Variants in OR52N2 observed in about 807,000 individuals in gnomAD.
The protein encoded by OR52N2 is olfactory receptor 52N2.
For missense variants in OR52N2, 326 were observed against 196.6 expected (o/e 1.66, Z -3.94); for synonymous variants, 129 against 72.0 (o/e 1.79, Z -4.01).
intron 1 of OR52N2, among the ~76,000 whole-genome samples, chr11:5,812,472 G>A (rs1846370512): frequency 1.5e-5 from 2 of 129,524 alleles, no homozygotes; most frequent in Admixed American, 8.8e-5. Context: ...TCCAGCCTGT[G>A]TGACAGAGCG....
chr11:5,820,173 A>G, intron 1 of OR52N2, 109 bp from the exon 2 acceptor site: 1 of 653,472 alleles, frequency 1.5e-6, no homozygotes, highest in Non-Finnish European at 2.7e-6. Context: ...AGTTGGAAGA[A>G]AGAATTTCTG....
At chr11:5,811,946 T>C (rs942391673) in intron 1 of OR52N2, among the ~76,000 whole-genome samples, 11 of 152,138 alleles carry the variant, frequency 7.2e-5, no homozygotes, top group African/African-American at 2.7e-4. Context: ...TAAAATAGCA[T>C]TTAAATCAAA....
intron 1 of OR52N2, among the ~76,000 whole-genome samples, chr11:5,809,522 A>C (rs976106529): frequency 1.3e-5 from 2 of 152,184 alleles, no homozygotes; most frequent in Admixed American, 1.3e-4. Context: ...GCTGATGGGA[A>C]GCGGTAGGCT....
At chr11:5,815,616 C>T (rs1459368789) in intron 1 of OR52N2, among the ~76,000 whole-genome samples, 1 of 151,982 alleles carries the variant, frequency 6.6e-6, no homozygotes, top group Admixed American at 6.6e-5. Flanking sequence ...GACACTTGTG[C>T]CCTTTTGGCA....
At chr11:5,814,827 A>G (rs144448416) in intron 1 of OR52N2, among the ~76,000 whole-genome samples, 2 of 152,346 alleles carry the variant, frequency 1.3e-5, no homozygotes, top group Admixed American at 1.3e-4. Flanking sequence ...AACTTATGAC[A>G]AAGTGACAGT....
At chr11:5,815,059 C>T (rs1402559355) in intron 1 of OR52N2, among the ~76,000 whole-genome samples, 2 of 151,968 alleles carry the variant, frequency 1.3e-5, no homozygotes, top group Non-Finnish European at 2.9e-5. Flanking sequence ...ACAGCATGTC[C>T]AAATATTAAC....
intron 1 of OR52N2, among the ~76,000 whole-genome samples, chr11:5,816,666 A>C (rs1408886387): frequency 5.3e-5 from 8 of 151,926 alleles, no homozygotes; most frequent in Non-Finnish European, 1.2e-4. Context: ...CAGCCTCCCG[A>C]GTTGCTGGGA....
intron 1 of OR52N2, among the ~76,000 whole-genome samples, chr11:5,815,630 A>T (rs1438017986): frequency 2.6e-5 from 4 of 152,110 alleles, no homozygotes; most frequent in Non-Finnish European, 5.9e-5. Context: ...TTTGGCAAAA[A>T]TGTAAAATGC....
At chr11:5,820,143 T>C (rs1846434410) in intron 1 of OR52N2, among the ~76,000 whole-genome samples, 139 bp from the exon 2 acceptor site, 1 of 152,186 alleles carries the variant, frequency 6.6e-6, no homozygotes, top group Non-Finnish European at 1.5e-5. Flanking sequence ...GACACTGTAG[T>C]TCAAAGTCTT....
chr11:5,816,247 G>T (rs7117922), intron 1 of OR52N2, among the ~76,000 whole-genome samples: 15,154 of 152,038 alleles, frequency 0.1, 1,179 homozygotes, highest in African/African-American at 0.22. Context: ...TGGAGATGGA[G>T]AGTGGTGATG....
intron 1 of OR52N2, among the ~76,000 whole-genome samples, chr11:5,817,561 T>C (rs1247145890): frequency 1.3e-5 from 2 of 152,220 alleles, no homozygotes; most frequent in African/African-American, 4.8e-5. Flanking sequence ...AAGTTAATTT[T>C]AATTCAATTT....
chr11:5,810,098 A>G (rs1187052199), intron 1 of OR52N2, among the ~76,000 whole-genome samples: 1 of 152,186 alleles, frequency 6.6e-6, no homozygotes, highest in Non-Finnish European at 1.5e-5. Context: ...GCTATGGGTG[A>G]GCTATATGCT....
At chr11:5,809,993 C>T (rs1180610454) in intron 1 of OR52N2, among the ~76,000 whole-genome samples, 1 of 152,208 alleles carries the variant, frequency 6.6e-6, no homozygotes, top group Non-Finnish European at 1.5e-5. Flanking sequence ...AATTATTCTA[C>T]ACTTATTACT....
chr11:5,820,536 G>C lies in OR52N2; in HGVS notation c.201G>C (p.Leu67=). The change falls in exon 2 of 2, where the codon CTG becomes CTC. Residue 67 remains leucine (L), a synonymous_variant. Coordinates refer to ENST00000317037, the MANE Select transcript of OR52N2 (RefSeq NM_001005174.3). ...LHRPMYYFLA[L]LSFTDVTLCT... is the part of the protein sequence containing the mutation. ...GGCCCATGTACTACTTCCTGGCCCT[G>C]CTCTCCTTCACTGATGTCACCTTGT... The C allele has an allele frequency of 1.3e-6, 1 of 779,298 alleles. No homozygotes were observed. The highest frequency in any genetic ancestry group is 2.4e-6 in the Non-Finnish European group (1 of 417,174). 48.3% of individuals were successfully genotyped at this position (779,298 alleles called of 1,614,324 possible).
chr11:5,821,338 A>C lies in OR52N2; in HGVS notation c.*37A>C, dbSNP rs77097028. ...GACATATTGTTTCAGGTGGTGAGAAAATAATGGAGACAAAATTTCATAAAA... is the reference window on the plus strand; with the variant it reads ...GACATATTGTTTCAGGTGGTGAGAACATAATGGAGACAAAATTTCATAAAA... On this transcript the variant is annotated 3_prime_UTR_variant, in exon 2 of 2. Coordinates refer to ENST00000317037, the MANE Select transcript of OR52N2 (RefSeq NM_001005174.3). 0.053 allele frequency: 37,641 copies of C among 707,424 alleles called. 1,210 individuals are homozygous for C. The highest frequency in any genetic ancestry group is 0.078 in the African/African-American group (4,418 of 56,746). The allele number at this position is 707,424 out of a possible 1,614,324, so 43.8% of individuals were successfully genotyped here.
At chr11:5,813,445 A>G (rs1273926038) in intron 1 of OR52N2, among the ~76,000 whole-genome samples, 1 of 152,148 alleles carries the variant, frequency 6.6e-6, no homozygotes, top group Non-Finnish European at 1.5e-5. Context: ...CCTGAACTGC[A>G]CTTACAACTT....
intron 1 of OR52N2, among the ~76,000 whole-genome samples, chr11:5,819,515 G>T (rs1846429208): frequency 6.6e-6 from 1 of 152,118 alleles, no homozygotes; most frequent in Non-Finnish European, 1.5e-5. Flanking sequence ...ATTGAATTTA[G>T]ATCTTTAGCA....
Position 5,820,601 on chromosome 11 carries a change from T to A in OR52N2, c.266T>A (p.Phe89Tyr). The A allele has an allele frequency of 1.3e-6, 1 of 782,394 alleles. No individual in the cohort carries two copies. The highest frequency in any genetic ancestry group is 2.4e-6 in the Non-Finnish European group (1 of 419,382). 48.5% of individuals were successfully genotyped at this position (782,394 alleles called of 1,614,324 possible). ...MVPNMLCIFW[F>Y]NLKEIDFNAC... ...CCTAATATGCTGTGCATATTCTGGT[T>A]CAACCTCAAGGAGATTGACTTTAAC... Residue 89 changes from phenylalanine (F) to tyrosine (Y), a missense_variant, in exon 2 of 2, where the codon TTC becomes TAC. Physicochemically the swap from Phe to Tyr is conservative, Grantham distance 22. Transcript: ENST00000317037.
chr11:5,821,012 C>T lies in OR52N2; in HGVS notation c.677C>T (p.Ala226Val), dbSNP rs1449022419. The change falls in exon 2 of 2, where the codon GCT becomes GTT. Residue 226 changes from alanine to valine, a missense_variant. Coordinates refer to ENST00000317037, the MANE Select transcript of OR52N2 (RefSeq NM_001005174.3). ...ISVSYTMILQ[A>V]VMSLSSADAR... ...GTATCTTACACTATGATTTTGCAGG[C>T]TGTTATGAGCCTGTCATCAGCAGAT... The T allele has an allele frequency of 1.2e-5, 9 of 780,890 alleles. No individual in the cohort carries two copies. Among genetic ancestry groups the T allele is most frequent in the Non-Finnish European group, 1.9e-5 (8 of 418,096 alleles). 48.4% of individuals were successfully genotyped at this position (780,890 alleles called of 1,614,324 possible).
Sources: allele counts gnomAD v4.1 joint callset (sites outside exome capture counted in the v4.1 genomes callset), GRCh38; gene constraint gnomAD v4.1.1; transcripts MANE v1.5; gene names NCBI Gene and HGNC (gene_info 2026-07-23, HGNC 2026-07-21).